Variants in NSMCE2 observed in about 807,000 individuals in gnomAD.
NSMCE2 encodes E3 SUMO-protein ligase NSE2.
A neutral mutation model predicts 23.8 loss-of-function variants in NSMCE2; 24 were observed. That is an observed-to-expected ratio of 1.01 (90% CI 0.73 to 1.42). The LOEUF is 1.42. Among genes scored for constraint, NSMCE2 ranks in the 40% most tolerant of loss-of-function variants. The pLI is 0.00. For synonymous variants in NSMCE2, 92 were observed against 94.1 expected, an observed-to-expected ratio of 0.98 and a Z score of 0.13; for missense variants, 284 against 296.5, an observed-to-expected ratio of 0.96 and a Z score of 0.31.
At chr8:125,240,078 T>C in intron 5 of NSMCE2, among the ~76,000 whole-genome samples, 1 of 151,876 alleles carries the variant, frequency 6.6e-6, no homozygotes, top group East Asian at 1.9e-4. Flanking sequence ...AACAGAATTC[T>C]CCTGAAGTTG....
intron 5 of NSMCE2, among the ~76,000 whole-genome samples, chr8:125,195,175 C>T (rs1164685048): frequency 6.6e-6 from 1 of 151,998 alleles, no homozygotes; most frequent in East Asian, 1.9e-4. Context: ...AGGTGCTCAC[C>T]CATCCCTAGG....
At position 125,359,279 on chromosome 8, in the gene NSMCE2, A is replaced by C. The variant is rs535021950; in HGVS notation, c.626+1461A>C. ...ATACTCTGTCTCCAAAAAAAAAAAA[A>C]AAAGAGGGAGGATTCTGGGTTGTTA... On this transcript the variant is annotated intron_variant, in intron 7 of 7. Coordinates refer to ENST00000287437, the MANE Select transcript of NSMCE2 (RefSeq NM_173685.4). Among the ~76,000 whole-genome samples the C allele has an allele frequency of 1.5e-4, 23 of 151,170 alleles. No individual in the cohort carries two copies. The South Asian group carries it at 4.8e-3, about 32-fold the overall frequency.
intron 5 of NSMCE2, among the ~76,000 whole-genome samples, chr8:125,293,485 T>C (rs1194108020): frequency 7.4e-6 from 1 of 134,334 alleles, no homozygotes; most frequent in Non-Finnish European, 1.6e-5. Context: ...GTGGGTTAAT[T>C]TTGAAATTTA....
At position 125,123,758 on chromosome 8, in the gene NSMCE2, C is replaced by T. The variant is rs187886000; in HGVS notation, c.157+21271C>T. Among the ~76,000 whole-genome samples the T allele has an allele frequency of 1.6e-4, 25 of 152,336 alleles. No individual in the cohort carries two copies. In the East Asian group the frequency reaches 4.6e-3, roughly 28 times the overall value. On this transcript the variant is annotated intron_variant, in intron 3 of 7. Transcript: ENST00000287437. ...TTTGCTGTAATGAAATTCATTTCAG[C>T]AGATAATTAATTTAGTATTTAATCA...
At chr8:125,226,019 C>T (rs1413858580) in intron 5 of NSMCE2, among the ~76,000 whole-genome samples, 1 of 152,210 alleles carries the variant, frequency 6.6e-6, no homozygotes, top group African/African-American at 2.4e-5. Context: ...GTATATAACA[C>T]TTAACAATTA....
At chr8:125,289,305 G>A (rs1828018831) in intron 5 of NSMCE2, among the ~76,000 whole-genome samples, 1 of 152,220 alleles carries the variant, frequency 6.6e-6, no homozygotes, top group Admixed American at 6.5e-5. Flanking sequence ...ACAACTGGAT[G>A]TTAACATGTA....
At chr8:125,278,369 G>A (rs1332856767) in intron 5 of NSMCE2, among the ~76,000 whole-genome samples, 1 of 152,136 alleles carries the variant, frequency 6.6e-6, no homozygotes, top group African/African-American at 2.4e-5. Flanking sequence ...ACGCTGTCTG[G>A]TTCCTTCAGA....
chr8:125,220,454 GCCTAA>G (rs1824798524), intron 5 of NSMCE2, among the ~76,000 whole-genome samples: 1 of 152,018 alleles, frequency 6.6e-6, no homozygotes, highest in South Asian at 2.1e-4. Flanking sequence ...ACAAAAATGA[GCCTAA>G]CCTAATTCTT....
rs776622041 is a variant in NSMCE2 at position 125,318,403 on chromosome 8, G to T, written c.419-38816G>T. 8.9e-4 allele frequency among the ~76,000 whole-genome samples: 135 copies of T among 152,230 alleles called. 1 individual carries two copies. Among genetic ancestry groups the T allele is most frequent in the Non-Finnish European group, 1.8e-3 (124 of 68,010 alleles). ...AGCCTGGGCGACACAGTGAGACCCT[G>T]ACTCAAAAAGTAAAATAATGTTTAC... On this transcript the variant is annotated intron_variant, in intron 5 of 7. Coordinates refer to ENST00000287437, the MANE Select transcript of NSMCE2 (RefSeq NM_173685.4).
intron 4 of NSMCE2, among the ~76,000 whole-genome samples, chr8:125,180,075 T>A (rs1822723287): frequency 6.6e-6 from 1 of 152,214 alleles, no homozygotes; most frequent in Admixed American, 6.5e-5. Context: ...ACCAGCAATT[T>A]ATTTTCTAGG....
In NSMCE2 at chr8:125,181,628, T is replaced by C. The variant is rs140087690; in HGVS notation, c.265-475T>C. Reference sequence around the variant, plus strand: ...TATTCCTTGGCATGGCAGGACATTATGGAAGGTCAAGGCTAAAGCCCCAGC... The same window carrying C: ...TATTCCTTGGCATGGCAGGACATTACGGAAGGTCAAGGCTAAAGCCCCAGC... On this transcript the variant is annotated intron_variant, in intron 4 of 7. Transcript: ENST00000287437. Among the ~76,000 whole-genome samples the C allele has an allele frequency of 1.6e-3, 239 of 151,996 alleles. 2 individuals are homozygous for C. Among genetic ancestry groups the C allele is most frequent in the Admixed American group, 4.3e-3 (65 of 15,264 alleles).
At chr8:125,231,943 A>G (rs1825340267) in intron 5 of NSMCE2, among the ~76,000 whole-genome samples, 1 of 152,230 alleles carries the variant, frequency 6.6e-6, no homozygotes, top group Non-Finnish European at 1.5e-5. Flanking sequence ...TACTGAATAA[A>G]TAAATTAATT....
chr8:125,106,550 C>T (rs1818465084), intron 3 of NSMCE2, among the ~76,000 whole-genome samples: 1 of 151,906 alleles, frequency 6.6e-6, no homozygotes, highest in Non-Finnish European at 1.5e-5. Context: ...TGGTGGTGCG[C>T]ACCTGTAATC....
At chr8:125,297,940 A>T (rs1204858125) in intron 5 of NSMCE2, among the ~76,000 whole-genome samples, 1 of 152,232 alleles carries the variant, frequency 6.6e-6, no homozygotes, top group Non-Finnish European at 1.5e-5. Flanking sequence ...ATAAACACGG[A>T]TGTTGAAGTC....
intron 3 of NSMCE2, among the ~76,000 whole-genome samples, chr8:125,102,768 T>C (rs1435109093): frequency 6.6e-6 from 1 of 152,204 alleles, no homozygotes; most frequent in African/African-American, 2.4e-5. Context: ...ATCTAAAGTA[T>C]TTGACATTTG....
chr8:125,258,278 T>C (rs1826527730), intron 5 of NSMCE2, among the ~76,000 whole-genome samples: 1 of 152,152 alleles, frequency 6.6e-6, no homozygotes, highest in Admixed American at 6.5e-5. Context: ...AAGACAGTGG[T>C]GAGTCTTAGA....
chr8:125,177,238 G>T (rs750331806), intron 4 of NSMCE2, among the ~76,000 whole-genome samples: 1 of 152,070 alleles, frequency 6.6e-6, no homozygotes, highest in Non-Finnish European at 1.5e-5. Context: ...CACTGAAGTG[G>T]GTGTTCCTGA....
intron 5 of NSMCE2, among the ~76,000 whole-genome samples, chr8:125,193,135 G>T (rs1268365645): frequency 6.6e-6 from 1 of 152,182 alleles, no homozygotes; most frequent in African/African-American, 2.4e-5. Flanking sequence ...AAATGCTTAT[G>T]CTATTAAGAG....
intron 5 of NSMCE2, among the ~76,000 whole-genome samples, chr8:125,337,740 C>T (rs924562760): frequency 5.3e-5 from 8 of 151,418 alleles, no homozygotes; most frequent in Non-Finnish European, 7.4e-5. Flanking sequence ...ACTAAAAATA[C>T]AAAAATTAGC....
Sources: gnomAD v4.1 joint callset for allele counts (sites outside exome capture counted in the v4.1 genomes callset) on GRCh38, gnomAD v4.1.1 for gene constraint, MANE v1.5 for transcripts, NCBI Gene and HGNC (gene_info 2026-07-23, HGNC 2026-07-21) for gene names.